The following DGKI variants were observed in gnomAD, a reference collection of about 807,000 sequenced individuals.
DGKI encodes the protein diacylglycerol kinase iota.
A neutral mutation model predicts 147.5 loss-of-function variants in DGKI; 55 were observed. The ratio of observed to expected loss-of-function variants is 0.37; its 90% CI spans 0.30 to 0.47. DGKI has a LOEUF of 0.47. DGKI is among the 20% of genes least tolerant of loss of function. The probability of loss-of-function intolerance (pLI) is 1.00; values close to 1 mark genes in which losing one functional copy is unlikely to be tolerated. For missense variants in DGKI, 1,007 were observed against 1,323.8 expected, an observed-to-expected ratio of 0.76 and a Z score of 3.71; for synonymous variants, 469 against 477.1, an observed-to-expected ratio of 0.98 and a Z score of 0.22.
At chr7:137,568,606 T>C (rs1818674826) in intron 19 of DGKI, among the ~76,000 whole-genome samples, 1 of 152,238 alleles carries the variant, frequency 6.6e-6, no homozygotes. Context: ...TTTATGTCCC[T>C]GGCTTGCTCT....
At chr7:137,628,130 C>A (rs1821006685) in intron 6 of DGKI, among the ~76,000 whole-genome samples, 2 of 152,178 alleles carry the variant, frequency 1.3e-5, no homozygotes, top group African/African-American at 4.8e-5. Context: ...AAGTGATGCT[C>A]TACTCAATGA....
rs887819866 is a variant in DGKI, at chr7:137,384,618, A to G, written c.*6602T>C. 1 of 152,066 alleles carries G rather than the reference A, an allele frequency of 6.6e-6. No homozygotes were observed. The highest frequency in any genetic ancestry group is 1.5e-5 in the Non-Finnish European group (1 of 67,964). The allele number at this position is 152,066 out of a possible 1,614,324, so 9.4% of individuals were successfully genotyped here. Reference sequence around the variant, plus strand: ...TCAGTGCATTCATCTAAAATGTATTATATGCATTATTCACCTCGTTGGGGT... The same window carrying G: ...TCAGTGCATTCATCTAAAATGTATTGTATGCATTATTCACCTCGTTGGGGT... On this transcript the variant is annotated 3_prime_UTR_variant, in exon 33 of 33. Coordinates refer to ENST00000614521, the MANE Select transcript of DGKI (RefSeq NM_001321708.2).
At chr7:137,469,906 T>C (rs1408783324) in intron 23 of DGKI, among the ~76,000 whole-genome samples, 1 of 152,210 alleles carries the variant, frequency 6.6e-6, no homozygotes, top group Admixed American at 6.5e-5. Context: ...TTTACTTCCT[T>C]ATGGGAATTT....
intron 32 of DGKI, 97 bp downstream of exon 32, chr7:137,395,501 G>T: frequency 8.7e-7 from 1 of 1,148,586 alleles, no homozygotes; most frequent in Non-Finnish European, 1.3e-6. Context: ...ACTTCCATAA[G>T]CACAGAAAGG....
intron 21 of DGKI, among the ~76,000 whole-genome samples, chr7:137,504,353 T>A (rs541342058): frequency 6.6e-6 from 1 of 152,184 alleles, no homozygotes; most frequent in African/African-American, 2.4e-5. Flanking sequence ...ACAAACAAAC[T>A]ATCTTCAATA....
At chr7:137,511,437 C>T (rs1816577634) in intron 21 of DGKI, among the ~76,000 whole-genome samples, 1 of 152,174 alleles carries the variant, frequency 6.6e-6, no homozygotes, top group Non-Finnish European at 1.5e-5. Context: ...TTTAGGTTTC[C>T]ATTTTACTTT....
intron 20 of DGKI, among the ~76,000 whole-genome samples, chr7:137,525,907 G>C (rs1817127882): frequency 6.6e-6 from 1 of 151,980 alleles, no homozygotes; most frequent in African/African-American, 2.4e-5. Context: ...AGATTGTCTA[G>C]CTTGGCTGGT....
chr7:137,703,269 A>G (rs1824047557), intron 1 of DGKI, among the ~76,000 whole-genome samples: 1 of 152,192 alleles, frequency 6.6e-6, no homozygotes, highest in Non-Finnish European at 1.5e-5. Context: ...ATGAGAACTC[A>G]CTCACTATCA....
At chr7:137,548,292 T>A (rs1271067013) in intron 20 of DGKI, among the ~76,000 whole-genome samples, 2 of 152,182 alleles carry the variant, frequency 1.3e-5, no homozygotes, top group Non-Finnish European at 2.9e-5. Flanking sequence ...ATGTAGTAGC[T>A]ACCCTGATGG....
intron 19 of DGKI, among the ~76,000 whole-genome samples, chr7:137,556,381 T>C (rs975849618): frequency 6.6e-6 from 1 of 151,036 alleles, no homozygotes; most frequent in Non-Finnish European, 1.5e-5. Flanking sequence ...GACAAAGAAA[T>C]AAAATTAGAA....
chr7:137,586,261 A>C (rs1251740438), intron 13 of DGKI, among the ~76,000 whole-genome samples: 2 of 151,934 alleles, frequency 1.3e-5, no homozygotes, highest in African/African-American at 4.8e-5. Flanking sequence ...CCTGTCTCTA[A>C]TAAACATACA....
chr7:137,788,651 C>A (rs979437873), intron 1 of DGKI, among the ~76,000 whole-genome samples: 1 of 66,840 alleles, frequency 1.5e-5, no homozygotes, highest in Non-Finnish European at 3.3e-5. Flanking sequence ...CACACACACA[C>A]ACACACACAC....
chr7:137,615,684 T>C (rs994385672), intron 8 of DGKI, among the ~76,000 whole-genome samples: 1 of 151,910 alleles, frequency 6.6e-6, no homozygotes, highest in African/African-American at 2.4e-5. Context: ...GACCTCCAAA[T>C]CATGGCTAAA....
chr7:137,686,533 AAACACAGCAGGAGAG>A (rs1823423789), intron 2 of DGKI, among the ~76,000 whole-genome samples: 1 of 152,256 alleles, frequency 6.6e-6, no homozygotes, highest in African/African-American at 2.4e-5. Flanking sequence ...CATTTGAGTA[AAACACAGCAGGAGAG>A]AATGTTTGGG....
chr7:137,404,173 G>A (rs142185541), intron 30 of DGKI, among the ~76,000 whole-genome samples: 114 of 152,222 alleles, frequency 7.5e-4, no homozygotes, highest in African/African-American at 2.7e-3. Flanking sequence ...CTAAAAGAGA[G>A]GAATGGTTTT....
chr7:137,392,135 CATTA>C (rs1811388190), intron 32 of DGKI, among the ~76,000 whole-genome samples: 2 of 152,042 alleles, frequency 1.3e-5, no homozygotes, highest in African/African-American at 4.8e-5. Context: ...ATAAATTTGT[CATTA>C]ATTTTTTACA....
chr7:137,830,626 T>A (rs1008814262), intron 1 of DGKI, among the ~76,000 whole-genome samples: 2 of 152,150 alleles, frequency 1.3e-5, no homozygotes, highest in African/African-American at 2.4e-5. Flanking sequence ...CACTTTTGGA[T>A]AAGGGATAGA....
chr7:137,833,943 T>C (rs1236619828), intron 1 of DGKI, among the ~76,000 whole-genome samples: 1 of 152,200 alleles, frequency 6.6e-6, no homozygotes, highest in Non-Finnish European at 1.5e-5. Flanking sequence ...TTAAGTGCAC[T>C]AGACAGGGGG....
chr7:137,418,952 T>C (rs1812459447), intron 28 of DGKI, among the ~76,000 whole-genome samples: 2 of 152,172 alleles, frequency 1.3e-5, no homozygotes, highest in African/African-American at 4.8e-5. Context: ...CTAGCGTGTA[T>C]TTGGTCTTAG....
Sources: allele counts gnomAD v4.1 joint callset (sites outside exome capture counted in the v4.1 genomes callset), GRCh38; gene constraint gnomAD v4.1.1; transcripts MANE v1.5; gene names NCBI Gene and HGNC (gene_info 2026-07-23, HGNC 2026-07-21).